The following TSC2 variants were observed in gnomAD, a reference collection of about 807,000 sequenced individuals.
The protein encoded by TSC2 is tuberin.
In TSC2, 29 loss-of-function variants were observed where a neutral mutation model predicts 202.2. The observed-to-expected ratio is 0.14, with a 90% CI of 0.11 to 0.20. The LOEUF (loss-of-function observed/expected upper bound fraction) is 0.20. Ranked by LOEUF, TSC2 falls within the 10% of genes least tolerant of loss-of-function variation. TSC2 has a pLI of 1.00. For missense variants in TSC2, 2,429 were observed against 2,420.0 expected, an observed-to-expected ratio of 1.00 and a Z score of -0.08; for synonymous variants, 1,349 against 1,044.0, an observed-to-expected ratio of 1.29 and a Z score of -5.63.
At chr16:2,071,457 G>T in intron 17 of TSC2, 53 bp from the exon 18 acceptor site, 1 of 1,604,578 alleles carries the variant, frequency 6.2e-7, no homozygotes, top group Non-Finnish European at 8.5e-7. Flanking sequence ...GACGCCGCCT[G>T]TCCTGGGCCT....
intron 22 of TSC2, chr16:2,074,765 C>T (rs374865592): frequency 2.7e-5 from 10 of 364,496 alleles, no homozygotes; most frequent in East Asian, 1.2e-4. Context: ...TTCCCCTCAC[C>T]GCCTGTGCGC....
chr16:2,087,857 G>C lies in TSC2; in HGVS notation c.4990-6G>C, dbSNP rs137853987. The C allele has an allele frequency of 3.7e-6, 6 of 1,612,372 alleles. No individual in the cohort carries two copies. Among genetic ancestry groups the C allele is most frequent in the Non-Finnish European group, 5.1e-6 (6 of 1,179,888 alleles). The stretch of plus-strand genomic sequence containing the variant: ...GCGGGGATGACCCTTTCTCTTGTCC[G>C]GGCAGGGCCAGTTCAACTTTGTCCA... On this transcript the variant is annotated splice_polypyrimidine_tract_variant and splice_region_variant and intron_variant, in intron 38 of 41. Transcript: ENST00000219476.
At position 2,084,707 on chromosome 16, in the gene TSC2, C is replaced by G. The variant is rs1030218603; in HGVS notation, c.4485C>G (p.Ile1495Met). ...CCAATGCAGAGAAAGTGCCAGGCAT[C>G]AACCCCAGGTGGGCCTCTTGCTTCC... Reference protein sequence around the residue: ...TASNAEKVPGINPSFVFLQLY... With the variant: ...TASNAEKVPGMNPSFVFLQLY... Residue 1495 changes from isoleucine (I) to methionine (M), a missense_variant, in exon 34 of 42, where the codon ATC (isoleucine) becomes ATG (methionine). Physicochemically the swap from Ile to Met is conservative, Grantham distance 10. Transcript: ENST00000219476. 1.3e-6 allele frequency: 2 copies of G among 1,598,556 alleles called. No homozygotes were observed. The highest frequency in any genetic ancestry group is 1.7e-6 in the Non-Finnish European group (2 of 1,179,868).
intron 9 of TSC2, 120 bp from the exon 10 acceptor site, chr16:2,058,627 C>T (rs2086204079): frequency 2.1e-6 from 3 of 1,426,210 alleles, no homozygotes; most frequent in Non-Finnish European, 1.9e-6. Context: ...GGTGCTCCTG[C>T]CCCCCCCAAG....
At chr16:2,050,016 C>T (rs1469808588) in intron 2 of TSC2, among the ~76,000 whole-genome samples, 4 of 142,942 alleles carry the variant, frequency 2.8e-5, no homozygotes, top group Non-Finnish European at 6.0e-5. Context: ...AGCGCAGGGG[C>T]GCGATCTCGG....
chr16:2,084,798 T>G, intron 34 of TSC2, 83 bp downstream of exon 34: 1 of 1,598,474 alleles, frequency 6.3e-7, no homozygotes, highest in Non-Finnish European at 8.5e-7. Context: ...CCGAGCGGGC[T>G]GGGGTGGGGT....
Position 2,081,750 on chromosome 16 carries a change from C to T in TSC2, c.3766C>T (p.Pro1256Ser), listed in dbSNP as rs1167903970. 1 of 1,612,868 alleles carries T rather than the reference C, an allele frequency of 6.2e-7. No homozygotes were observed. The change falls in exon 31 of 42, where the codon CCG becomes TCG. Residue 1256 changes from proline (P) to serine (S), a missense_variant. By Grantham distance (74) the Pro-to-Ser change is moderately conservative. Coordinates refer to ENST00000219476, the MANE Select transcript of TSC2 (RefSeq NM_000548.5). ...DTALYKSLSV[P>S]AASTAKPPPL... ...AGCCCTGTACAAGTCACTGTCGGTG[C>T]CGGCAGCCAGCACGGCCAAACCCCC...
intron 16 of TSC2, among the ~76,000 whole-genome samples, chr16:2,069,484 AT>A (rs746122123): frequency 3.4e-3 from 429 of 125,326 alleles, no homozygotes; most frequent in East Asian, 0.016. Context: ...CACCTGGCTA[AT>A]TTTTTTTTTT....
chr16:2,081,741 C>T lies in TSC2; in HGVS notation c.3757C>T (p.Leu1253=), dbSNP rs1596400529. 1.2e-6 allele frequency: 2 copies of T among 1,612,812 alleles called. No homozygotes were observed. The highest frequency in any genetic ancestry group is 1.1e-5 in the South Asian group (1 of 91,082). The change falls in exon 31 of 42, where the codon CTG becomes TTG. Residue 1253 remains leucine (L), a synonymous_variant. Transcript: ENST00000219476. ...EHRDTALYKS[L]SVPAASTAKP... is the part of the protein sequence containing the mutation. ...CCGGGACACAGCCCTGTACAAGTCA[C>T]TGTCGGTGCCGGCAGCCAGCACGGC...
At chr16:2,069,484 ATT>A (rs746122123) in intron 16 of TSC2, among the ~76,000 whole-genome samples, 6 of 125,478 alleles carry the variant, frequency 4.8e-5, no homozygotes, top group Non-Finnish European at 8.6e-5. Flanking sequence ...CACCTGGCTA[ATT>A]TTTTTTTTTT....
intron 6 of TSC2, 156 bp from the exon 7 acceptor site, chr16:2,056,040 C>T (rs923648057): frequency 1.2e-4 from 99 of 828,326 alleles, no homozygotes; most frequent in Middle Eastern, 1.2e-3. Context: ...CAGTGGCTGG[C>T]GCACAGCAGG....
chr16:2,048,004 G>C lies in TSC2; in HGVS notation c.-91G>C. The C allele has an allele frequency of 4.0e-6, 6 of 1,490,226 alleles. No homozygotes were observed. The highest frequency in any genetic ancestry group is 5.3e-6 in the Non-Finnish European group (6 of 1,123,168). 92.3% of individuals were successfully genotyped at this position (1,490,226 alleles called of 1,614,324 possible). A position where few individuals can be genotyped will look rare whatever the true frequency, so the allele number is the denominator to read the frequency against. ...GGTCGCGCTTCCGGCGGCGTCCCGGGGCCAGGGGGGTGCGCCTTTCTCCGC... is the reference window on the plus strand; with the variant it reads ...GGTCGCGCTTCCGGCGGCGTCCCGGCGCCAGGGGGGTGCGCCTTTCTCCGC... On this transcript the variant is annotated 5_prime_UTR_variant, in exon 1 of 42. Coordinates refer to ENST00000219476, the MANE Select transcript of TSC2 (RefSeq NM_000548.5).
chr16:2,050,919 A>G (rs1567388442), intron 3 of TSC2, among the ~76,000 whole-genome samples: 1 of 152,118 alleles, frequency 6.6e-6, no homozygotes, highest in Admixed American at 6.6e-5. Flanking sequence ...TTTAGCTTTC[A>G]TCGTAGTGAT....
chr16:2,074,141 G>A (rs1010308162), intron 21 of TSC2, 59 bp from the exon 22 acceptor site: 1 of 1,603,712 alleles, frequency 6.2e-7, no homozygotes, highest in Non-Finnish European at 8.5e-7. Flanking sequence ...TTGGCGAGGG[G>A]TAGGCGAGGC....
chr16:2,055,268 T>C, intron 5 of TSC2, 134 bp from the exon 6 acceptor site: 1 of 786,618 alleles, frequency 1.3e-6, no homozygotes, highest in Non-Finnish European at 2.2e-6. Context: ...GTGGTCTGTC[T>C]GTTGCTGCCG....
intron 10 of TSC2, among the ~76,000 whole-genome samples, 162 bp from the exon 11 acceptor site, chr16:2,060,508 C>G (rs534176224): frequency 3.3e-5 from 5 of 152,242 alleles, no homozygotes; most frequent in African/African-American, 9.6e-5. Context: ...ATGTAGAAAC[C>G]CCTCCTGGGC....
At chr16:2,076,735 G>A (rs758786499) in intron 25 of TSC2, 150 bp downstream of exon 25, 9 of 785,880 alleles carry the variant, frequency 1.1e-5, no homozygotes, top group East Asian at 5.4e-5. Flanking sequence ...TGCAAGGGCC[G>A]CTAACACCCC....
intron 14 of TSC2, chr16:2,063,951 T>C (rs1309792658): frequency 1.1e-5 from 5 of 445,250 alleles, no homozygotes; most frequent in Non-Finnish European, 2.1e-5. Flanking sequence ...CACAGCACCA[T>C]GTGGGAGGGG....
intron 17 of TSC2, 140 bp from the exon 18 acceptor site, chr16:2,071,370 G>C: frequency 1.3e-6 from 1 of 788,808 alleles, no homozygotes; most frequent in Admixed American, 2.0e-5. Flanking sequence ...TGTCTGTGTT[G>C]GGATGTGGGT....
Sources: allele counts gnomAD v4.1 joint callset (sites outside exome capture counted in the v4.1 genomes callset), GRCh38; gene constraint gnomAD v4.1.1; transcripts MANE v1.5; gene names NCBI Gene and HGNC (gene_info 2026-07-23, HGNC 2026-07-21).